Variants in CA7 observed in about 807,000 individuals in gnomAD.
CA7 encodes carbonic anhydrase 7.
Under a neutral mutation model 31.4 loss-of-function variants are expected in CA7, and 13 were observed. The ratio of observed to expected loss-of-function variants is 0.41; its 90% CI spans 0.27 to 0.66. CA7 has a LOEUF of 0.66. CA7 is among the 30% of genes least tolerant of loss of function. The pLI is 0.28. For synonymous variants in CA7, 128 were observed against 133.2 expected (o/e 0.96, Z 0.27); for missense variants, 215 against 351.0 (o/e 0.61, Z 3.10).
At chr16:66,849,792 G>T (rs1961001148) in intron 2 of CA7, among the ~76,000 whole-genome samples, 1 of 152,156 alleles carries the variant, frequency 6.6e-6, no homozygotes, top group Admixed American at 6.5e-5. Context: ...CAGCTCAAGG[G>T]ACAGGGGTCT....
At position 66,853,099 on chromosome 16, in the gene CA7, G is replaced by A. The variant is rs1042002336; in HGVS notation, c.672+232G>A. Among the ~76,000 whole-genome samples the A allele has an allele frequency of 6.6e-6, 1 of 152,272 alleles. No homozygotes were observed. Among genetic ancestry groups the A allele is most frequent in the South Asian group, 2.1e-4 (1 of 4,820 alleles). ...CCTGGATCCTGGGACCCCCACCCCCGCTACTGTGTTGGAATCTGAATGCTA... is the reference window on the plus strand; with the variant it reads ...CCTGGATCCTGGGACCCCCACCCCCACTACTGTGTTGGAATCTGAATGCTA... On this transcript the variant is annotated intron_variant, in intron 6 of 6. Coordinates refer to ENST00000338437, the MANE Select transcript of CA7 (RefSeq NM_005182.3). The surrounding 1 kb of genome is among the most constrained non-coding windows in gnomAD (Gnocchi z 4.5).
rs373598137 is a variant in CA7, at chr16:66,853,066, C to T, written c.672+199C>T. 2.6e-5 allele frequency among the ~76,000 whole-genome samples: 4 copies of T among 152,110 alleles called. No homozygotes were observed. The highest frequency in any genetic ancestry group is 1.9e-4 in the East Asian group (1 of 5,202). ...CCAGAACCTAGACACTGGCTGGGAGCGGGGATACCTGGATCCTGGGACCCC... is the reference window on the plus strand; with the variant it reads ...CCAGAACCTAGACACTGGCTGGGAGTGGGGATACCTGGATCCTGGGACCCC... On this transcript the variant is annotated intron_variant, in intron 6 of 6. Transcript: ENST00000338437. The surrounding 1 kb of genome is among the most constrained non-coding windows in gnomAD (Gnocchi z 4.5).
chr16:66,850,451 A>G, intron 2 of CA7, 90 bp from the exon 3 acceptor site: 1 of 778,602 alleles, frequency 1.3e-6, no homozygotes, highest in Non-Finnish European at 2.3e-6. Flanking sequence ...AAAAAAAAAA[A>G]TGTCCCTTTC....
At chr16:66,850,506 C>T (rs1327791718) in intron 2 of CA7, 35 bp from the exon 3 acceptor site, 2 of 1,220,140 alleles carry the variant, frequency 1.6e-6, no homozygotes, top group East Asian at 4.6e-5. Context: ...CGGTCCTCTC[C>T]TACTCATTGC....
chr16:66,852,705 G>C lies in CA7; in HGVS notation c.517-7G>C, dbSNP rs888158076. The C allele has an allele frequency of 1.9e-6, 3 of 1,610,976 alleles. No individual in the cohort carries two copies. The South Asian group carries it at 3.3e-5, about 18-fold the overall frequency. On this transcript the variant is annotated splice_region_variant and splice_polypyrimidine_tract_variant and intron_variant, in intron 5 of 6. Transcript: ENST00000338437. ...GCTGATTCCTGGGTTCCTCCACCTT[G>C]TTCCAGGGCACCAAAGCCCAGTTCA...
chr16:66,851,592 T>C (rs1355494545), intron 4 of CA7, 34 bp downstream of exon 4: 4 of 1,610,964 alleles, frequency 2.5e-6, no homozygotes, highest in Non-Finnish European at 3.4e-6. Context: ...TGGAGGGGCA[T>C]GGGAGGCCTG....
At chr16:66,849,016 G>A (rs775477899) in intron 2 of CA7, among the ~76,000 whole-genome samples, 4 of 152,142 alleles carry the variant, frequency 2.6e-5, no homozygotes, top group Non-Finnish European at 5.9e-5. Flanking sequence ...CTGTCCTCCT[G>A]CTTAAGGAGG....
chr16:66,850,588 C>G lies in CA7; in HGVS notation c.286C>G (p.His96Asp), dbSNP rs1474438893. The G allele has an allele frequency of 6.2e-7, 1 of 1,614,122 alleles. No homozygotes were observed. Among genetic ancestry groups the G allele is most frequent in the Non-Finnish European group, 8.5e-7 (1 of 1,179,964 alleles). ...AGGGCCCTACCGCCTCAAGCAGTTTCACTTCCACTGGGGCAAGAAGCACGA... is the reference window on the plus strand; with the variant it reads ...AGGGCCCTACCGCCTCAAGCAGTTTGACTTCCACTGGGGCAAGAAGCACGA... ...LEGPYRLKQF[H>D]FHWGKKHDVG... Residue 96 changes from histidine to aspartate, a missense_variant, in exon 3 of 7, where the codon CAC becomes GAC. Physicochemically the swap from His to Asp is moderately conservative, Grantham distance 81. Coordinates refer to ENST00000338437, the MANE Select transcript of CA7 (RefSeq NM_005182.3).
At chr16:66,848,815 G>A (rs1481802947) in intron 2 of CA7, among the ~76,000 whole-genome samples, 2 of 152,200 alleles carry the variant, frequency 1.3e-5, no homozygotes, top group Non-Finnish European at 2.9e-5. Context: ...CCCAGGTGAG[G>A]CATGCTTTGG....
chr16:66,851,901 T>G (rs1450138042), intron 5 of CA7, among the ~76,000 whole-genome samples, 175 bp downstream of exon 5: 1 of 152,010 alleles, frequency 6.6e-6, no homozygotes, highest in Non-Finnish European at 1.5e-5. Flanking sequence ...AGCAGCCCCC[T>G]TGGGTGTCCA....
At position 66,853,427 on chromosome 16, in the gene CA7, C is replaced by T. The variant is rs759410482; in HGVS notation, c.724C>T (p.His242Tyr). Reference sequence around the variant, plus strand: ...TACCTCGGAGGACGATGAGAGGATCCACATGGTGAACAACTTCCGGCCACC... The same window carrying T: ...TACCTCGGAGGACGATGAGAGGATCTACATGGTGAACAACTTCCGGCCACC... Reference protein sequence around the residue: ...LFTSEDDERIHMVNNFRPPQP... With the variant: ...LFTSEDDERIYMVNNFRPPQP... The change falls in exon 7 of 7, where the codon CAC becomes TAC. Residue 242 changes from histidine to tyrosine, a missense_variant. Physicochemically the swap from His to Tyr is moderately conservative, Grantham distance 83. Coordinates refer to ENST00000338437, the MANE Select transcript of CA7 (RefSeq NM_005182.3). This position sits in a 1 kb window ranked among gnomAD's most constrained non-coding sequence, Gnocchi z 4.5. 1 of 1,614,144 alleles carries T rather than the reference C, an allele frequency of 6.2e-7. No individual in the cohort carries two copies. The highest frequency in any genetic ancestry group is 8.5e-7 in the Non-Finnish European group (1 of 1,180,010).
At chr16:66,852,027 A>T (rs1480377589) in intron 5 of CA7, among the ~76,000 whole-genome samples, 1 of 151,974 alleles carries the variant, frequency 6.6e-6, no homozygotes, top group Non-Finnish European at 1.5e-5. Flanking sequence ...GTGGCCAAAT[A>T]CCTCCAGGAG....
chr16:66,846,143 C>A (rs1488888180), intron 1 of CA7, among the ~76,000 whole-genome samples: 1 of 151,284 alleles, frequency 6.6e-6, no homozygotes, highest in Non-Finnish European at 1.5e-5. Flanking sequence ...CTCTGGGAGG[C>A]AGGTGGTGGG....
chr16:66,853,158 G>A lies in CA7; in HGVS notation c.673-218G>A, dbSNP rs1006729718. 6.6e-6 allele frequency among the ~76,000 whole-genome samples: 1 copy of A among 152,164 alleles called. No individual in the cohort carries two copies. Among genetic ancestry groups the A allele is most frequent in the Non-Finnish European group, 1.5e-5 (1 of 68,024 alleles). On this transcript the variant is annotated intron_variant, in intron 6 of 6. Coordinates refer to ENST00000338437, the MANE Select transcript of CA7 (RefSeq NM_005182.3). The surrounding 1 kb of genome is among the most constrained non-coding windows in gnomAD (Gnocchi z 4.5). The stretch of plus-strand genomic sequence containing the variant: ...GATAAGTCTTAGCTAGATGGGCTTG[G>A]AACTAGAACTAGGTAAAGCAGAGCC...
chr16:66,852,750 C>T lies in CA7; in HGVS notation c.555C>T (p.Cys185=). 6.2e-7 allele frequency: 1 copy of T among 1,614,006 alleles called. No individual in the cohort carries two copies. Among genetic ancestry groups the T allele is most frequent in the South Asian group, 1.1e-5 (1 of 91,066 alleles). The change falls in exon 6 of 7, where the codon TGC becomes TGT. Residue 185 remains cysteine (C), a synonymous_variant. Coordinates refer to ENST00000338437, the MANE Select transcript of CA7 (RefSeq NM_005182.3). ...KAQFSCFNPK[C]LLPASRHYWT... Reference sequence around the variant, plus strand: ...AGTTCAGCTGCTTCAACCCCAAGTGCCTCCTGCCTGCCAGCCGGCACTACT... The same window carrying T: ...AGTTCAGCTGCTTCAACCCCAAGTGTCTCCTGCCTGCCAGCCGGCACTACT...
intron 1 of CA7, among the ~76,000 whole-genome samples, chr16:66,846,151 G>A (rs2145376723): frequency 6.6e-6 from 1 of 151,504 alleles, no homozygotes; most frequent in East Asian, 1.9e-4. Context: ...GGCAGGTGGT[G>A]GGCGCCTGTG....
Position 66,853,248 on chromosome 16 carries a change from A to G in CA7, c.673-128A>G, listed in dbSNP as rs1961105429. The G allele has an allele frequency of 1.7e-6, 2 of 1,160,342 alleles. No individual in the cohort carries two copies. The highest frequency in any genetic ancestry group is 4.7e-5 in the East Asian group (2 of 42,224). 71.9% of individuals were successfully genotyped at this position (1,160,342 alleles called of 1,614,324 possible). ...GAAAAATGAGTGGGGAAGAGTAGGG[A>G]CAGACCCTAAGGGAAGGAGGAGGGA... On this transcript the variant is annotated intron_variant, in intron 6 of 6. Coordinates refer to ENST00000338437, the MANE Select transcript of CA7 (RefSeq NM_005182.3). The surrounding 1 kb of genome is among the most constrained non-coding windows in gnomAD (Gnocchi z 4.5).
chr16:66,850,668 C>T lies in CA7; in HGVS notation c.357+9C>T. The T allele has an allele frequency of 6.4e-7, 1 of 1,567,122 alleles. No homozygotes were observed. Among genetic ancestry groups the T allele is most frequent in the Non-Finnish European group, 8.8e-7 (1 of 1,137,122 alleles). On this transcript the variant is annotated intron_variant, in intron 3 of 6. Coordinates refer to ENST00000338437, the MANE Select transcript of CA7 (RefSeq NM_005182.3). ...AGTCCTTCCCCAGCGAGGTACGGGC[C>T]CTCCTCCACTTGAATCCCTCTGCTA... is the stretch of plus-strand genomic sequence containing the variant.
chr16:66,844,649 AC>A, intron 1 of CA7, 122 bp downstream of exon 1: 2 of 802,410 alleles, frequency 2.5e-6, no homozygotes, highest in Non-Finnish European at 3.7e-6. Context: ...GCTGGGCGGG[AC>A]CCCTCTTCCC....
Sources: gnomAD v4.1 joint callset for allele counts (sites outside exome capture counted in the v4.1 genomes callset) on GRCh38, gnomAD v4.1.1 for gene constraint, Gnocchi (gnomAD v3.1) non-coding constraint, MANE v1.5 for transcripts, NCBI Gene and HGNC (gene_info 2026-07-23, HGNC 2026-07-21) for gene names.